Variants in ETNPPL observed in about 807,000 individuals in gnomAD.
ETNPPL encodes ethanolamine-phosphate phospho-lyase.
ETNPPL carries 30 observed loss-of-function variants against 55.5 expected under a neutral mutation model. The ratio of observed to expected loss-of-function variants is 0.54; its 90% CI spans 0.40 to 0.73. The LOEUF (loss-of-function observed/expected upper bound fraction) is 0.73, where lower values mean the gene tolerates loss of function less well. ETNPPL is among the 30% of genes least tolerant of loss of function. The probability of loss-of-function intolerance (pLI) is 0.00; values close to 1 mark genes in which losing one functional copy is unlikely to be tolerated. For missense variants in ETNPPL, 528 were observed against 607.9 expected (o/e 0.87, Z 1.38); for synonymous variants, 202 against 207.2 (o/e 0.98, Z 0.21).
intron 9 of ETNPPL, chr4:108,747,800 C>T (rs888803387): frequency 6.4e-6 from 3 of 469,230 alleles, no homozygotes; most frequent in African/African-American, 6.2e-5. Context: ...ACAATCTCGG[C>T]TCACTGCAAC....
At chr4:108,745,657 G>A (rs1364686088) in intron 11 of ETNPPL, among the ~76,000 whole-genome samples, 1 of 151,852 alleles carries the variant, frequency 6.6e-6, no homozygotes, top group Non-Finnish European at 1.5e-5. Flanking sequence ...TAGGCTGGAC[G>A]CGGTGACTTA....
At chr4:108,744,715 ATTTTT>A (rs530380404) in intron 11 of ETNPPL, among the ~76,000 whole-genome samples, 1 of 121,172 alleles carries the variant, frequency 8.3e-6, no homozygotes, top group Admixed American at 8.3e-5. Context: ...AGAAGTTGAA[ATTTTT>A]TTTTTTTTTT....
rs200521641 is a variant in ETNPPL, at chr4:108,746,544, A to T, written c.1173-15T>A. ...TTTCTTTCATCCTAATTTGTGTAGG[A>T]AATACATGTGAGTGTATGCAAAGGA... On this transcript the variant is annotated splice_polypyrimidine_tract_variant and intron_variant, in intron 10 of 12. Coordinates refer to ENST00000296486, the MANE Select transcript of ETNPPL (RefSeq NM_031279.4). The T allele has an allele frequency of 1.7e-4, 278 of 1,611,260 alleles. 1 individual carries two copies. The African/African-American group carries it at 3.2e-3, about 19-fold the overall frequency.
chr4:108,747,490 G>C (rs752968396), intron 9 of ETNPPL, among the ~76,000 whole-genome samples: 2 of 150,794 alleles, frequency 1.3e-5, no homozygotes, highest in Non-Finnish European at 3.0e-5. Flanking sequence ...TAGAAACAAG[G>C]TTTCTTGTTA....
At chr4:108,742,884 T>C (rs1186362662) in intron 12 of ETNPPL, among the ~76,000 whole-genome samples, 1 of 152,216 alleles carries the variant, frequency 6.6e-6, no homozygotes, top group Non-Finnish European at 1.5e-5. Flanking sequence ...AACACTTCTT[T>C]TGTTTTGTTT....
In ETNPPL at chr4:108,747,143, TATATA is replaced by T. The variant is rs1327934293; in HGVS notation, c.1083-297_1083-293del. Among the ~76,000 whole-genome samples the T allele has an allele frequency of 1.2e-3, 46 of 37,700 alleles. 7 individuals carry two copies. Among genetic ancestry groups the T allele is most frequent in the African/African-American group, 6.0e-3 (41 of 6,822 alleles). The allele number at this position is 37,700 out of a possible 152,430, so 24.7% of individuals were successfully genotyped here. On this transcript the variant is annotated intron_variant, in intron 9 of 12. Transcript: ENST00000296486. ...TTAACATTATATATATATATATATA[TATATA>T]ATATATATATATATATTATATATAT...
chr4:108,761,386 T>C lies in ETNPPL; in HGVS notation c.57-1080A>G, dbSNP rs1303541200. Reference sequence around the variant, plus strand: ...AAATTGCATAAGGTTGTGTTATATATTGATTTTTTTTAAGCATCATCAGCT... The same window carrying C: ...AAATTGCATAAGGTTGTGTTATATACTGATTTTTTTTAAGCATCATCAGCT... On this transcript the variant is annotated intron_variant, in intron 1 of 12. Coordinates refer to ENST00000296486, the MANE Select transcript of ETNPPL (RefSeq NM_031279.4). Among the ~76,000 whole-genome samples, 3 of 152,206 alleles carry C rather than the reference T, an allele frequency of 2.0e-5. No homozygotes were observed. In the East Asian group the frequency reaches 5.8e-4, roughly 29 times the overall value.
At chr4:108,743,738 A>T (rs752126655) in intron 12 of ETNPPL, 51 bp downstream of exon 12, 2 of 1,303,942 alleles carry the variant, frequency 1.5e-6, no homozygotes, top group African/African-American at 1.5e-5. Context: ...TTTTTTAAAC[A>T]TTCCCCAAAT....
At chr4:108,759,373 C>A (rs1038066884) in intron 3 of ETNPPL, among the ~76,000 whole-genome samples, 1 of 139,466 alleles carries the variant, frequency 7.2e-6, no homozygotes, top group African/African-American at 2.8e-5. Context: ...TGCACTCCAG[C>A]CTGAGCGACA....
At chr4:108,755,532 G>A (rs961805176) in intron 4 of ETNPPL, among the ~76,000 whole-genome samples, 21 of 152,134 alleles carry the variant, frequency 1.4e-4, no homozygotes, top group Middle Eastern at 3.4e-3. Context: ...AAAAATATCC[G>A]TAGGCTAGCC....
chr4:108,762,795 C>CTCCACCTTCTGG lies in ETNPPL; in HGVS notation c.56+47_56+48insCCAGAAGGTGGA, dbSNP rs748505196. On this transcript the variant is annotated intron_variant, in intron 1 of 12. Transcript: ENST00000296486. ...GCTTTCTCTCTCCACCTTCTGCACT[C>CTCCACCTTCTGG]GTTATTGCCCCCTCTCTGCACTTAC... The CTCCACCTTCTGG allele has an allele frequency of 1.2e-3, 1,891 of 1,602,266 alleles. 1 individual carries two copies. Among genetic ancestry groups the CTCCACCTTCTGG allele is most frequent in the Middle Eastern group, 1.8e-3 (11 of 6,042 alleles).
Position 108,747,180 on chromosome 4 carries a change from AAT to A in ETNPPL, c.1083-331_1083-330del, listed in dbSNP as rs1366460962. On this transcript the variant is annotated intron_variant, in intron 9 of 12. Coordinates refer to ENST00000296486, the MANE Select transcript of ETNPPL (RefSeq NM_031279.4). ...ATATATATATTATATATATATATAT[AAT>A]ATATATATATATTATATATATATAT... Among the ~76,000 whole-genome samples the A allele has an allele frequency of 3.3e-3, 37 of 11,350 alleles. 2 individuals carry two copies. Among genetic ancestry groups the A allele is most frequent in the African/African-American group, 3.9e-3 (5 of 1,292 alleles). 7.4% of individuals were successfully genotyped at this position (11,350 alleles called of 152,430 possible).
intron 5 of ETNPPL, among the ~76,000 whole-genome samples, chr4:108,753,376 C>A (rs144290063): frequency 2.2e-4 from 33 of 152,150 alleles, no homozygotes; most frequent in African/African-American, 8.0e-4. Context: ...TATTGCAAAT[C>A]GTAATCATTC....
chr4:108,743,756 T>C, intron 12 of ETNPPL, 33 bp downstream of exon 12: 1 of 1,467,786 alleles, frequency 6.8e-7, no homozygotes, highest in Non-Finnish European at 9.5e-7. Context: ...AATTTTAAAC[T>C]TTCCCCCTAA....
rs1430932477 is a variant in ETNPPL, at chr4:108,754,791, A to G, written c.411-81T>C. ...TCAAGTATATGAAAACCAGTGTTGC[A>G]TTTCATCCATATGCATCCATCCAGG... On this transcript the variant is annotated intron_variant, in intron 4 of 12. Coordinates refer to ENST00000296486, the MANE Select transcript of ETNPPL (RefSeq NM_031279.4). 1.6e-5 allele frequency: 14 copies of G among 853,372 alleles called. No homozygotes were observed. The East Asian group carries it at 2.2e-4, about 13-fold the overall frequency. The allele number at this position is 853,372 out of a possible 1,614,324, so 52.9% of individuals were successfully genotyped here. A position where few individuals can be genotyped will look rare whatever the true frequency, so the allele number is the denominator to read the frequency against.
At position 108,749,479 on chromosome 4, in the gene ETNPPL, G is replaced by T. The variant is rs777477289; in HGVS notation, c.702-16C>A. ...GTGTACATATCTGAAAAGCAAAGCGGCAGTCTAATGCCTTCAGGTCACTGA... is the reference window on the plus strand; with the variant it reads ...GTGTACATATCTGAAAAGCAAAGCGTCAGTCTAATGCCTTCAGGTCACTGA... On this transcript the variant is annotated splice_polypyrimidine_tract_variant and intron_variant, in intron 7 of 12. Transcript: ENST00000296486. 1 of 1,582,114 alleles carries T rather than the reference G, an allele frequency of 6.3e-7. No homozygotes were observed. The highest frequency in any genetic ancestry group is 1.1e-5 in the South Asian group (1 of 90,340).
chr4:108,760,819 T>TA (rs923792469), intron 1 of ETNPPL, among the ~76,000 whole-genome samples: 2 of 152,194 alleles, frequency 1.3e-5, no homozygotes, highest in African/African-American at 4.8e-5. Flanking sequence ...ACACAGACAG[T>TA]AAATGAGAAA....
intron 6 of ETNPPL, among the ~76,000 whole-genome samples, chr4:108,752,124 G>T (rs1048362136): frequency 6.6e-6 from 1 of 152,040 alleles, no homozygotes; most frequent in African/African-American, 2.4e-5. Flanking sequence ...AAAAAAAGAA[G>T]AAACAGTTAA....
In ETNPPL at chr4:108,756,420, G is replaced by A. The variant is rs1729197077; in HGVS notation, c.408C>T (p.Asp136=). 6.2e-7 allele frequency: 1 copy of A among 1,612,384 alleles called. No individual in the cohort carries two copies. Among genetic ancestry groups the A allele is most frequent in the African/African-American group, 1.3e-5 (1 of 74,878 alleles). ...AAAATCTTGTGTCCAAGACTTACTGGTCAAGAGTGATCACATCCTGGTGGC... is the reference window on the plus strand; with the variant it reads ...AAAATCTTGTGTCCAAGACTTACTGATCAAGAGTGATCACATCCTGGTGGC... ...FRGHQDVITL[D]HAYHGHLSSL... The change falls in exon 4 of 13, where the codon GAC becomes GAT. Residue 136 remains aspartate, a splice_region_variant and synonymous_variant. Transcript: ENST00000296486.
Sources: allele counts gnomAD v4.1 joint callset (sites outside exome capture counted in the v4.1 genomes callset), GRCh38; gene constraint gnomAD v4.1.1; transcripts MANE v1.5; gene names NCBI Gene and HGNC (gene_info 2026-07-23, HGNC 2026-07-21).